The following PLEKHA7 variants were observed in gnomAD, a reference collection of about 807,000 sequenced individuals.
PLEKHA7 encodes the protein pleckstrin homology domain containing A7, also known as pleckstrin homology domain-containing family A member 7.
PLEKHA7 carries 104 observed loss-of-function variants against 170.0 expected under a neutral mutation model. That is an observed-to-expected ratio of 0.61 (90% confidence interval 0.52 to 0.72). The LOEUF (loss-of-function observed/expected upper bound fraction) is 0.72. PLEKHA7 is among the 30% of genes least tolerant of loss of function. The pLI is 0.00. For missense variants in PLEKHA7, 1,615 were observed against 1,671.7 expected, an observed-to-expected ratio of 0.97 and a Z score of 0.59; for synonymous variants, 648 against 660.8, an observed-to-expected ratio of 0.98 and a Z score of 0.30.
At chr11:16,892,291 G>C (rs914849264) in intron 3 of PLEKHA7, among the ~76,000 whole-genome samples, 1 of 152,152 alleles carries the variant, frequency 6.6e-6, no homozygotes, top group Non-Finnish European at 1.5e-5. Context: ...TATGTATGGT[G>C]GGAAAAGAGC....
intron 3 of PLEKHA7, among the ~76,000 whole-genome samples, chr11:16,956,122 C>T (rs558845787): frequency 1.3e-5 from 2 of 152,324 alleles, no homozygotes; most frequent in East Asian, 3.9e-4. Context: ...CAATCATATT[C>T]TCTTCTCATA....
chr11:16,993,411 T>A (rs1277808624), intron 3 of PLEKHA7, among the ~76,000 whole-genome samples: 1 of 152,124 alleles, frequency 6.6e-6, no homozygotes, highest in African/African-American at 2.4e-5. Context: ...CTGGCTCTAC[T>A]CAACCAGAAA....
chr11:16,942,837 A>G (rs1299851018), intron 3 of PLEKHA7, among the ~76,000 whole-genome samples: 1 of 152,228 alleles, frequency 6.6e-6, no homozygotes, highest in Admixed American at 6.5e-5. Context: ...CCTCCCAGAG[A>G]GGTTAGGAGA....
intron 17 of PLEKHA7, among the ~76,000 whole-genome samples, chr11:16,797,538 A>T (rs1231162992): frequency 1.3e-5 from 2 of 152,160 alleles, no homozygotes; most frequent in Non-Finnish European, 2.9e-5. Context: ...AGGACAACAG[A>T]AGTCCAAAGC....
chr11:16,977,855 T>C (rs993794454), intron 3 of PLEKHA7, among the ~76,000 whole-genome samples: 1 of 152,170 alleles, frequency 6.6e-6, no homozygotes, highest in Non-Finnish European at 1.5e-5. Context: ...AGCCTTGGTA[T>C]CCTTGTCTGT....
In PLEKHA7 at chr11:16,822,113, T is replaced by G. The variant is rs546720928; in HGVS notation, c.1343+4007A>C. 1.3e-4 allele frequency among the ~76,000 whole-genome samples: 20 copies of G among 152,212 alleles called. No homozygotes were observed. In the South Asian group the frequency reaches 4.1e-3, roughly 32 times the overall value. ...CACACCCCACTCCCAACTCTCAAAT[T>G]CAGGCCGTTGTGTGTAGCAGAATAA... is the stretch of plus-strand genomic sequence containing the variant. On this transcript the variant is annotated intron_variant, in intron 10 of 26. Coordinates refer to ENST00000531066, the MANE Select transcript of PLEKHA7 (RefSeq NM_001329630.2).
intron 9 of PLEKHA7, among the ~76,000 whole-genome samples, chr11:16,838,726 G>A (rs1437645951): frequency 8.6e-6 from 1 of 116,012 alleles, no homozygotes; most frequent in East Asian, 2.8e-4. Context: ...AGACAGTCTC[G>A]CTCTGTTGCC....
rs532734743 is a variant in PLEKHA7 at position 16,875,638 on chromosome 11, T to A, written c.222-4456A>T. On this transcript the variant is annotated intron_variant, in intron 3 of 26. Transcript: ENST00000531066. ...AATTTTTTTTTTAGTAGAGATGGGGTTTCACCATGTTGCCCAGACTGGTCT... is the reference window on the plus strand; with the variant it reads ...AATTTTTTTTTTAGTAGAGATGGGGATTCACCATGTTGCCCAGACTGGTCT... Among the ~76,000 whole-genome samples, 26 of 151,748 alleles carry A rather than the reference T, an allele frequency of 1.7e-4. 1 individual carries two copies. In the South Asian group the frequency reaches 5.2e-3, roughly 30 times the overall value.
intron 3 of PLEKHA7, among the ~76,000 whole-genome samples, chr11:16,875,753 T>C (rs1016866599): frequency 5.9e-5 from 9 of 152,094 alleles, no homozygotes; most frequent in African/African-American, 2.2e-4. Context: ...CTAAATTTCA[T>C]CATTTTTGAT....
chr11:16,967,647 C>T (rs1252862035), intron 3 of PLEKHA7, among the ~76,000 whole-genome samples: 1 of 152,174 alleles, frequency 6.6e-6, no homozygotes. Flanking sequence ...GCCCCTACTC[C>T]ATCACCCCTG....
intron 8 of PLEKHA7, among the ~76,000 whole-genome samples, chr11:16,850,474 A>C (rs1759885486): frequency 6.6e-6 from 1 of 152,182 alleles, no homozygotes; most frequent in African/African-American, 2.4e-5. Flanking sequence ...CCAAGATCTT[A>C]ACACCTGCAG....
intron 3 of PLEKHA7, among the ~76,000 whole-genome samples, chr11:16,911,462 T>A (rs1310962515): frequency 1.3e-5 from 2 of 152,152 alleles, no homozygotes; most frequent in Non-Finnish European, 2.9e-5. Context: ...GGACATCAAG[T>A]CGTGTGCATT....
At chr11:16,783,334 T>A (rs1253688553) in intron 25 of PLEKHA7, among the ~76,000 whole-genome samples, 1 of 152,224 alleles carries the variant, frequency 6.6e-6, no homozygotes, top group African/African-American at 2.4e-5. Context: ...CTGGTCTGCA[T>A]GAGGGTGCAC....
chr11:16,892,004 C>T (rs775260977), intron 3 of PLEKHA7, among the ~76,000 whole-genome samples: 1 of 152,186 alleles, frequency 6.6e-6, no homozygotes, highest in Non-Finnish European at 1.5e-5. Context: ...TTTCAAGGAA[C>T]TGAGTGTCAA....
intron 3 of PLEKHA7, among the ~76,000 whole-genome samples, chr11:16,910,871 G>A (rs1858199119): frequency 6.6e-6 from 1 of 152,214 alleles, no homozygotes; most frequent in African/African-American, 2.4e-5. Context: ...ATAACATTCT[G>A]GACTTGGCTT....
chr11:16,872,854 C>T (rs1307796757), intron 3 of PLEKHA7, among the ~76,000 whole-genome samples: 1 of 151,960 alleles, frequency 6.6e-6, no homozygotes, highest in African/African-American at 2.4e-5. Flanking sequence ...CTACTGGGCA[C>T]CCATGTGCTA....
In PLEKHA7 at chr11:16,851,459, T is replaced by TA. The variant is rs200010649; in HGVS notation, c.596-169_596-168insT. 4.2e-3 allele frequency among the ~76,000 whole-genome samples: 636 copies of TA among 152,246 alleles called. 7 individuals carry two copies. Among genetic ancestry groups the TA allele is most frequent in the African/African-American group, 0.014 (599 of 41,534 alleles). On this transcript the variant is annotated intron_variant, in intron 7 of 26. Transcript: ENST00000531066. ...TACCCATTCTTTTTATTTATTTATT[T>TA]TTTTTTTGAGACGGAGTTTCGCTCT...
chr11:16,921,299 CCT>C (rs1859069669), intron 3 of PLEKHA7, among the ~76,000 whole-genome samples: 1 of 152,144 alleles, frequency 6.6e-6, no homozygotes, highest in South Asian at 2.1e-4. Context: ...AAACTAGCAA[CCT>C]CTTTCTTAAA....
intron 9 of PLEKHA7, among the ~76,000 whole-genome samples, chr11:16,830,157 T>A (rs1215977144): frequency 6.6e-6 from 1 of 152,136 alleles, no homozygotes; most frequent in South Asian, 2.1e-4. Flanking sequence ...TTTTAATTTT[T>A]TTTTTTTGTA....
Sources: gnomAD v4.1 joint callset for allele counts (sites outside exome capture counted in the v4.1 genomes callset) on GRCh38, gnomAD v4.1.1 for gene constraint, MANE v1.5 for transcripts, NCBI Gene and HGNC (gene_info 2026-07-23, HGNC 2026-07-21) for gene names.